SHROOM3: variants seen among roughly 807,000 people sequenced by gnomAD.
The protein encoded by SHROOM3 is protein Shroom3.
In SHROOM3, 47 loss-of-function variants were observed where a neutral mutation model predicts 138.6. The ratio of observed to expected loss-of-function variants is 0.34; its 90% CI spans 0.27 to 0.43. The LOEUF (loss-of-function observed/expected upper bound fraction) is 0.43, where lower values mean the gene tolerates loss of function less well. SHROOM3 is among the 20% of genes least tolerant of loss of function. The pLI is 1.00. For synonymous variants in SHROOM3, 1,062 were observed against 1,063.3 expected (o/e 1.00, Z 0.02); for missense variants, 2,491 against 2,596.5 (o/e 0.96, Z 0.88).
chr4:76,720,604 G>A (rs1364087980), intron 3 of SHROOM3, among the ~76,000 whole-genome samples: 1 of 150,012 alleles, frequency 6.7e-6, no homozygotes, highest in Non-Finnish European at 1.5e-5. Context: ...ATCTCTCCCT[G>A]AATTCTTTCT....
At chr4:76,742,227 G>T in intron 5 of SHROOM3, 1 of 429,662 alleles carries the variant, frequency 2.3e-6, no homozygotes, top group Non-Finnish European at 4.2e-6. Flanking sequence ...AGAAAAATTA[G>T]GGATTATCTT....
intron 2 of SHROOM3, among the ~76,000 whole-genome samples, chr4:76,597,015 C>T (rs1278227494): frequency 5.9e-5 from 9 of 152,214 alleles, no homozygotes; most frequent in Non-Finnish European, 1.0e-4. Flanking sequence ...ACCCCTTCAA[C>T]TGGGGCTTGA....
chr4:76,547,626 G>T (rs566544539), intron 1 of SHROOM3, among the ~76,000 whole-genome samples: 1 of 152,036 alleles, frequency 6.6e-6, no homozygotes, highest in East Asian at 1.9e-4. Context: ...AGCAAGATAC[G>T]TAAGTAAAAA....
At chr4:76,510,319 G>T (rs1476457770) in intron 1 of SHROOM3, among the ~76,000 whole-genome samples, 1 of 152,210 alleles carries the variant, frequency 6.6e-6, no homozygotes, top group Admixed American at 6.5e-5. Flanking sequence ...AGAATGGGAT[G>T]AGGTAAAGTC....
At chr4:76,648,363 C>G (rs755740979) in intron 2 of SHROOM3, among the ~76,000 whole-genome samples, 15 of 152,114 alleles carry the variant, frequency 9.9e-5, no homozygotes, top group Non-Finnish European at 1.6e-4. Flanking sequence ...AAAACCAATG[C>G]TTAACTTTTC....
chr4:76,495,334 C>CA (rs940567413), intron 1 of SHROOM3, among the ~76,000 whole-genome samples: 7 of 151,626 alleles, frequency 4.6e-5, no homozygotes, highest in African/African-American at 9.7e-5. Context: ...CTGAAAGGAG[C>CA]AAAAAAAATG....
chr4:76,603,703 G>A (rs77112024), intron 2 of SHROOM3, among the ~76,000 whole-genome samples: 4,856 of 151,852 alleles, frequency 0.032, 252 homozygotes, highest in African/African-American at 0.11. Flanking sequence ...ATTTACATTA[G>A]GTATTTCTCC....
chr4:76,713,779 G>T (rs1451273506), intron 3 of SHROOM3, among the ~76,000 whole-genome samples: 1 of 152,142 alleles, frequency 6.6e-6, no homozygotes, highest in Non-Finnish European at 1.5e-5. Context: ...GAATTTTTCA[G>T]CTCCATTATA....
At chr4:76,569,845 C>CACTGAA (rs1443133322) in intron 2 of SHROOM3, among the ~76,000 whole-genome samples, 1 of 152,102 alleles carries the variant, frequency 6.6e-6, no homozygotes, top group East Asian at 1.9e-4. Flanking sequence ...TGCCAACACC[C>CACTGAA]ACTGAAACTT....
intron 2 of SHROOM3, among the ~76,000 whole-genome samples, chr4:76,598,751 T>C (rs1734442211): frequency 6.6e-6 from 1 of 152,186 alleles, no homozygotes; most frequent in Non-Finnish European, 1.5e-5. Flanking sequence ...ATTCTTTGAC[T>C]AAAGAGTGTA....
At chr4:76,507,402 AC>A in intron 1 of SHROOM3, among the ~76,000 whole-genome samples, 1 of 151,982 alleles carries the variant, frequency 6.6e-6, no homozygotes, top group East Asian at 1.9e-4. Context: ...CTTCACCAAT[AC>A]TTGTTATTAT....
chr4:76,587,314 TAGGA>T (rs1421569410), intron 2 of SHROOM3: 1 of 152,188 alleles, frequency 6.6e-6, no homozygotes, highest in Non-Finnish European at 1.5e-5. Flanking sequence ...TTTGTTGTGA[TAGGA>T]AGGAAGGTAA....
chr4:76,481,512 T>TA (rs577142529), intron 1 of SHROOM3, among the ~76,000 whole-genome samples: 2,894 of 138,978 alleles, frequency 0.021, 52 homozygotes, highest in African/African-American at 0.059. Context: ...GGTAGGCTAT[T>TA]AAAAAAAAAA....
intron 3 of SHROOM3, among the ~76,000 whole-genome samples, chr4:76,714,366 T>C (rs1296349923): frequency 1.3e-5 from 2 of 152,188 alleles, no homozygotes; most frequent in Admixed American, 1.3e-4. Flanking sequence ...TGGGCAGATA[T>C]TTTGTAGAAT....
At chr4:76,760,268 A>C (rs1287889887) in intron 9 of SHROOM3, among the ~76,000 whole-genome samples, 2 of 152,200 alleles carry the variant, frequency 1.3e-5, no homozygotes, top group African/African-American at 4.8e-5. Context: ...ACTCCTACAG[A>C]GATTTCAAAT....
At chr4:76,580,223 T>A (rs781713855) in intron 2 of SHROOM3, among the ~76,000 whole-genome samples, 3 of 152,248 alleles carry the variant, frequency 2.0e-5, no homozygotes, top group Non-Finnish European at 2.9e-5. Context: ...TCCCCTCTGC[T>A]GATATCTGGC....
At position 76,647,332 on chromosome 4, in the gene SHROOM3, C is replaced by T. The variant is rs931574265; in HGVS notation, c.324-62824C>T. 3.3e-5 allele frequency among the ~76,000 whole-genome samples: 5 copies of T among 152,136 alleles called. No individual in the cohort carries two copies. In the East Asian group the frequency reaches 7.7e-4, roughly 23 times the overall value. On this transcript the variant is annotated intron_variant, in intron 2 of 10. Transcript: ENST00000296043. ...GTACAAACTTACAGTTAAAGGAATA[C>T]GCTCTAATGTTCGACAGCAGAGTGG... is the stretch of plus-strand genomic sequence containing the variant.
intron 1 of SHROOM3, among the ~76,000 whole-genome samples, chr4:76,500,457 C>T (rs763104704): frequency 6.6e-6 from 1 of 152,178 alleles, no homozygotes; most frequent in Admixed American, 6.5e-5. Flanking sequence ...TTCCTTTAAC[C>T]CTGTCCCTGT....
chr4:76,710,824 C>G (rs547979935), intron 3 of SHROOM3, among the ~76,000 whole-genome samples: 2 of 152,120 alleles, frequency 1.3e-5, no homozygotes, highest in Non-Finnish European at 2.9e-5. Context: ...TGCTAGGTGT[C>G]CTGGCTTTGC....
Sources: gnomAD v4.1 joint callset for allele counts (sites outside exome capture counted in the v4.1 genomes callset) on GRCh38, gnomAD v4.1.1 for gene constraint, MANE v1.5 for transcripts, NCBI Gene and HGNC (gene_info 2026-07-23, HGNC 2026-07-21) for gene names.